Variants in MAP7 observed in about 807,000 individuals in gnomAD.
MAP7 encodes ensconsin.
MAP7 carries 52 observed loss-of-function variants against 94.8 expected under a neutral mutation model. The observed-to-expected ratio is 0.55, with a 90% CI of 0.44 to 0.69. The LOEUF (loss-of-function observed/expected upper bound fraction) is 0.69, where lower values mean the gene tolerates loss of function less well. Ranked by LOEUF, MAP7 falls within the 30% of genes least tolerant of loss-of-function variation. The pLI, the probability that MAP7 is intolerant of heterozygous loss-of-function variation, is 0.00. For synonymous variants in MAP7, 350 were observed against 357.0 expected (o/e 0.98, Z 0.22); for missense variants, 940 against 964.6 (o/e 0.97, Z 0.34).
At chr6:136,347,155 A>G (rs1203307541) in intron 16 of MAP7, among the ~76,000 whole-genome samples, 1 of 152,152 alleles carries the variant, frequency 6.6e-6, no homozygotes, top group African/African-American at 2.4e-5. Flanking sequence ...AATAATGCCT[A>G]TGCATCAAAT....
intron 1 of MAP7, among the ~76,000 whole-genome samples, chr6:136,486,583 A>G (rs1814816329): frequency 6.6e-6 from 1 of 152,240 alleles, no homozygotes; most frequent in Non-Finnish European, 1.5e-5. Context: ...TCAGAGAGCC[A>G]CAGCAGACTG....
intron 1 of MAP7, among the ~76,000 whole-genome samples, chr6:136,422,374 G>C (rs899293695): frequency 6.6e-6 from 1 of 152,024 alleles, no homozygotes; most frequent in African/African-American, 2.4e-5. Flanking sequence ...TTTGGGGGTG[G>C]GGTGCTGGAG....
At chr6:136,459,112 C>T (rs146091959) in intron 1 of MAP7, among the ~76,000 whole-genome samples, 31 of 152,104 alleles carry the variant, frequency 2.0e-4, no homozygotes, top group African/African-American at 5.5e-4. Flanking sequence ...ATTTCTCCAA[C>T]GACAACATAC....
chr6:136,464,901 G>A (rs1344252941), intron 1 of MAP7, among the ~76,000 whole-genome samples: 3 of 152,176 alleles, frequency 2.0e-5, no homozygotes. Context: ...AAGACAATAA[G>A]CATTAAAGCA....
intron 1 of MAP7, among the ~76,000 whole-genome samples, chr6:136,439,394 C>CT (rs1797227907): frequency 6.6e-6 from 1 of 152,128 alleles, no homozygotes; most frequent in Non-Finnish European, 1.5e-5. Flanking sequence ...AGGCTAGCAC[C>CT]TTGATCTAGA....
At chr6:136,541,562 C>T (rs1829319100) in intron 1 of MAP7, among the ~76,000 whole-genome samples, 1 of 152,120 alleles carries the variant, frequency 6.6e-6, no homozygotes, top group Non-Finnish European at 1.5e-5. Context: ...TCACATATGC[C>T]AAGTGCACTG....
chr6:136,392,779 G>C (rs1049259661), intron 3 of MAP7, among the ~76,000 whole-genome samples: 1 of 152,134 alleles, frequency 6.6e-6, no homozygotes, highest in African/African-American at 2.4e-5. Flanking sequence ...AATCAGATGT[G>C]TACCTTGAGA....
At chr6:136,519,417 G>C (rs1825766364) in intron 1 of MAP7, among the ~76,000 whole-genome samples, 1 of 152,084 alleles carries the variant, frequency 6.6e-6, no homozygotes, top group Non-Finnish European at 1.5e-5. Flanking sequence ...AAGCCTTACA[G>C]AACAAAAGAG....
At chr6:136,419,936 C>T (rs1242417271) in intron 2 of MAP7, 2 of 619,512 alleles carry the variant, frequency 3.2e-6, no homozygotes, top group Non-Finnish European at 6.1e-6. Flanking sequence ...TCTATTTCTT[C>T]CTCTGATAGC....
At chr6:136,485,440 T>G (rs1016451771) in intron 1 of MAP7, among the ~76,000 whole-genome samples, 2 of 152,116 alleles carry the variant, frequency 1.3e-5, no homozygotes, top group Non-Finnish European at 2.9e-5. Flanking sequence ...AAATCAAATG[T>G]ACCAGGATAA....
intron 2 of MAP7, among the ~76,000 whole-genome samples, chr6:136,417,354 C>T (rs1789830275): frequency 6.6e-6 from 1 of 152,158 alleles, no homozygotes; most frequent in Non-Finnish European, 1.5e-5. Context: ...CATTAAAATT[C>T]TCTGTTTGAT....
At chr6:136,409,442 C>T (rs1159295881) in intron 3 of MAP7, among the ~76,000 whole-genome samples, 1 of 152,000 alleles carries the variant, frequency 6.6e-6, no homozygotes, top group Non-Finnish European at 1.5e-5. Flanking sequence ...TATTGGCTCA[C>T]CAAAAAAGTT....
At chr6:136,417,283 T>C (rs375934021) in intron 2 of MAP7, among the ~76,000 whole-genome samples, 1 of 152,192 alleles carries the variant, frequency 6.6e-6, no homozygotes, top group African/African-American at 2.4e-5. Flanking sequence ...CTCCTACCTA[T>C]GATGTTTCAA....
chr6:136,512,308 C>T (rs1289816450), intron 1 of MAP7, among the ~76,000 whole-genome samples: 2 of 152,236 alleles, frequency 1.3e-5, no homozygotes, highest in Non-Finnish European at 2.9e-5. Context: ...CTTGAATCAG[C>T]ACCTAGAAAT....
chr6:136,407,676 C>T (rs186172328), intron 3 of MAP7, among the ~76,000 whole-genome samples: 3 of 152,276 alleles, frequency 2.0e-5, no homozygotes, highest in African/African-American at 7.2e-5. Flanking sequence ...AGTTAGAGAA[C>T]TAGGCTGAGT....
At chr6:136,447,247 T>C (rs571626660) in intron 1 of MAP7, among the ~76,000 whole-genome samples, 2 of 152,376 alleles carry the variant, frequency 1.3e-5, no homozygotes, top group East Asian at 3.9e-4. Flanking sequence ...TCAGTGTTAG[T>C]ATTGAGAATA....
chr6:136,384,393 G>T (rs1354835970), intron 5 of MAP7, among the ~76,000 whole-genome samples: 1 of 152,180 alleles, frequency 6.6e-6, no homozygotes, highest in Non-Finnish European at 1.5e-5. Context: ...AAGAGCCACA[G>T]CTCTGTGCTT....
At chr6:136,417,602 A>C (rs1436921228) in intron 2 of MAP7, among the ~76,000 whole-genome samples, 2 of 152,230 alleles carry the variant, frequency 1.3e-5, no homozygotes, top group East Asian at 3.8e-4. Flanking sequence ...CCAAGCATTT[A>C]TTTATTCAAT....
At chr6:136,458,916 T>G (rs1220274147) in intron 1 of MAP7, among the ~76,000 whole-genome samples, 1 of 152,060 alleles carries the variant, frequency 6.6e-6, no homozygotes, top group Non-Finnish European at 1.5e-5. Context: ...GGACATAAAC[T>G]ATAAGGCTTC....
Sources: allele counts gnomAD v4.1 joint callset (sites outside exome capture counted in the v4.1 genomes callset), GRCh38; gene constraint gnomAD v4.1.1; transcripts MANE v1.5; gene names NCBI Gene and HGNC (gene_info 2026-07-23, HGNC 2026-07-21).